The following AHCTF1 variants were observed in gnomAD, a reference collection of about 807,000 sequenced individuals.
AHCTF1 encodes AT-hook containing transcription factor 1.
In AHCTF1, 24 loss-of-function variants were observed where a neutral mutation model predicts 248.4. The observed-to-expected ratio is 0.10, with a 90% confidence interval of 0.07 to 0.14. AHCTF1 has a LOEUF of 0.14. AHCTF1 is among the 10% of genes least tolerant of loss of function. The pLI, the probability that AHCTF1 is intolerant of heterozygous loss-of-function variation, is 1.00. For synonymous variants in AHCTF1, 786 were observed against 929.8 expected (o/e 0.85, Z 2.81); for missense variants, 2,206 against 2,636.2 (o/e 0.84, Z 3.57).
In AHCTF1 at chr1:246,853,285, G is replaced by A. The variant is rs779922668; in HGVS notation, c.4369C>T (p.Leu1457Phe). Reference sequence around the variant, plus strand: ...AGCGAGGAGTTTCCACCATCACCAAGGACATCAGCCATAGCTGAAAGAAAA... The same window carrying A: ...AGCGAGGAGTTTCCACCATCACCAAAGACATCAGCCATAGCTGAAAGAAAA... ...ANDNKSMADV[L>F]GDGGNSSLTI... The change falls in exon 32 of 36, where the codon CTT (leucine) becomes TTT (phenylalanine). Residue 1457 changes from leucine (L) to phenylalanine (F), a missense_variant. This residue lies in a region of AHCTF1 where 955 missense variants were observed against 1,055.6 expected (regional missense o/e 0.90). Transcript: ENST00000648844. The A allele has an allele frequency of 1.1e-5, 17 of 1,611,242 alleles. No individual in the cohort carries two copies. The Admixed American group carries it at 2.5e-4, about 24-fold the overall frequency.
At position 246,842,690 on chromosome 1, in the gene AHCTF1, ATACT is replaced by A. The variant is rs1210645114; in HGVS notation, c.6608_6608+3del. On this transcript the variant is annotated splice_donor_variant and splice_donor_region_variant and coding_sequence_variant and intron_variant, in exon 35 of 36. Transcript: ENST00000648844. LOFTEE classifies it high-confidence loss of function. Reference sequence around the variant, plus strand: ...TCAATCAAGAACAGAACAGAAAGTCATACTTGCTTGCTTGTTTTGTTTTTGACGT... The same window carrying A: ...TCAATCAAGAACAGAACAGAAAGTCATGCTTGCTTGTTTTGTTTTTGACGT... 7 of 1,612,568 alleles carry A rather than the reference ATACT, an allele frequency of 4.3e-6. No homozygotes were observed. Among genetic ancestry groups the A allele is most frequent in the African/African-American group, 2.7e-5 (2 of 74,906 alleles).
At chr1:246,910,543 G>A (rs1468188708) in intron 4 of AHCTF1, among the ~76,000 whole-genome samples, 4 of 152,196 alleles carry the variant, frequency 2.6e-5, no homozygotes, top group Non-Finnish European at 5.9e-5. Context: ...TATAGCAAAT[G>A]TTGAAAATTA....
chr1:246,851,798 AG>A, intron 32 of AHCTF1: 1 of 187,916 alleles, frequency 5.3e-6, no homozygotes, highest in South Asian at 1.4e-4. Context: ...CGGAAAAAAC[AG>A]AAACAACCCC....
At position 246,857,770 on chromosome 1, in the gene AHCTF1, C is replaced by G. The variant is rs760736790; in HGVS notation, c.4177G>C (p.Glu1393Gln). The change falls in exon 30 of 36, where the codon GAG (glutamate) becomes CAG (glutamine). Residue 1393 changes from glutamate to glutamine, a missense_variant. This residue lies in a region of AHCTF1 where 955 missense variants were observed against 1,055.6 expected (regional missense o/e 0.90). Coordinates refer to ENST00000648844, the MANE Select transcript of AHCTF1 (RefSeq NM_001323342.2). ...AETKDLLVAAEAFSELNHLSP... is the reference protein window; with the variant it reads ...AETKDLLVAAQAFSELNHLSP... Reference sequence around the variant, plus strand: ...AAGTGATTCAATTCTGAAAATGCCTCTGCTGCAACTAAGAGATCCTTTGTT... The same window carrying G: ...AAGTGATTCAATTCTGAAAATGCCTGTGCTGCAACTAAGAGATCCTTTGTT... 13 of 1,613,666 alleles carry G rather than the reference C, an allele frequency of 8.1e-6. No homozygotes were observed. The highest frequency in any genetic ancestry group is 1.3e-5 in the African/African-American group (1 of 74,898).
intron 1 of AHCTF1, among the ~76,000 whole-genome samples, chr1:246,927,373 C>T (rs550552540): frequency 1.3e-5 from 2 of 152,172 alleles, no homozygotes; most frequent in South Asian, 2.1e-4. Context: ...CTTGTCATCC[C>T]GACTACTTGG....
intron 24 of AHCTF1, 87 bp downstream of exon 24, chr1:246,875,950 G>T: frequency 7.7e-7 from 1 of 1,304,472 alleles, no homozygotes; most frequent in Non-Finnish European, 1.0e-6. Context: ...AGCGAAAGTA[G>T]CTAAATTTAA....
intron 21 of AHCTF1, among the ~76,000 whole-genome samples, chr1:246,878,274 G>A (rs1663123195): frequency 6.6e-6 from 1 of 151,624 alleles, no homozygotes; most frequent in Admixed American, 6.6e-5. Context: ...GTGTGTGCCT[G>A]TAGTCCCAGC....
chr1:246,901,399 G>A (rs1448941037), intron 8 of AHCTF1, among the ~76,000 whole-genome samples: 1 of 152,162 alleles, frequency 6.6e-6, no homozygotes, highest in Non-Finnish European at 1.5e-5. Flanking sequence ...CACTTGGGGA[G>A]GCCGAGGCGG....
chr1:246,895,026 T>C (rs966177197), intron 13 of AHCTF1, among the ~76,000 whole-genome samples: 1 of 149,594 alleles, frequency 6.7e-6, no homozygotes, highest in African/African-American at 2.5e-5. Context: ...GCCTAATTCC[T>C]TTAAAAAAAA....
intron 12 of AHCTF1, 105 bp downstream of exon 12, chr1:246,898,103 T>C: frequency 6.7e-7 from 1 of 1,487,582 alleles, no homozygotes; most frequent in Non-Finnish European, 9.2e-7. Flanking sequence ...AGCATTACAC[T>C]ACTTCACCTA....
intron 21 of AHCTF1, 86 bp downstream of exon 21, chr1:246,885,407 A>G: frequency 8.5e-7 from 1 of 1,170,760 alleles, no homozygotes; most frequent in Non-Finnish European, 1.2e-6. Context: ...TTAACGGCCA[A>G]TTGTATATTG....
At chr1:246,859,780 G>A (rs1050862227) in intron 29 of AHCTF1, among the ~76,000 whole-genome samples, 2 of 151,996 alleles carry the variant, frequency 1.3e-5, no homozygotes, top group African/African-American at 4.8e-5. Context: ...GTCTCCCTAT[G>A]TTGTCTAGGC....
In AHCTF1 at chr1:246,855,717, T is replaced by C; in HGVS notation, c.4354+13A>G. ...AAATGGAATAATCCTGAAGTCAAAA[T>C]TATTATACATACATTTATTGTCATT... On this transcript the variant is annotated intron_variant, in intron 31 of 35. Coordinates refer to ENST00000648844, the MANE Select transcript of AHCTF1 (RefSeq NM_001323342.2). 6.3e-7 allele frequency: 1 copy of C among 1,590,034 alleles called. No individual in the cohort carries two copies. Among genetic ancestry groups the C allele is most frequent in the Non-Finnish European group, 8.6e-7 (1 of 1,165,650 alleles).
intron 33 of AHCTF1, among the ~76,000 whole-genome samples, chr1:246,844,370 G>C (rs1372538441): frequency 6.6e-6 from 1 of 152,166 alleles, no homozygotes. Context: ...AATCTTTCTA[G>C]CCACCTCATT....
At chr1:246,863,148 A>C (rs542206071) in intron 27 of AHCTF1, among the ~76,000 whole-genome samples, 1 of 152,202 alleles carries the variant, frequency 6.6e-6, no homozygotes, top group East Asian at 1.9e-4. Flanking sequence ...AATATTTTAA[A>C]TTATTGAAAC....
chr1:246,877,707 G>A (rs1329933436), intron 21 of AHCTF1, among the ~76,000 whole-genome samples: 1 of 152,154 alleles, frequency 6.6e-6, no homozygotes, highest in African/African-American at 2.4e-5. Context: ...CTGTGTCCAT[G>A]AGGAAGGGAA....
In AHCTF1 at chr1:246,850,082, C is replaced by A. The variant is rs142569004; in HGVS notation, c.5924G>T (p.Gly1975Val). Residue 1975 changes from glycine to valine, a missense_variant, in exon 33 of 36, where the codon GGT becomes GTT. By Grantham distance (109) the Gly-to-Val change is moderately radical. Transcript: ENST00000648844. ...FDMSAIPRKR[G>V]RPRKINPSED... ...AGATGGATTGATTTTTCTTGGTCTA[C>A]CACGTTTTCTAGGTATGGCAGACAT... The A allele has an allele frequency of 1.2e-6, 2 of 1,613,790 alleles. No individual in the cohort carries two copies. The highest frequency in any genetic ancestry group is 2.7e-5 in the African/African-American group (2 of 74,904).
chr1:246,856,642 G>A (rs928109558), intron 30 of AHCTF1, among the ~76,000 whole-genome samples: 3 of 152,114 alleles, frequency 2.0e-5, no homozygotes, highest in African/African-American at 7.2e-5. Context: ...GAAAGCCATT[G>A]CAATAAATAA....
intron 32 of AHCTF1, among the ~76,000 whole-genome samples, chr1:246,852,495 A>T (rs12126508): frequency 0.092 from 13,877 of 151,624 alleles, 693 homozygotes; most frequent in South Asian, 0.13. Context: ...TTTTTTTTTT[A>T]AAAAAACTAA....
Sources: gnomAD v4.1 joint callset for allele counts (sites outside exome capture counted in the v4.1 genomes callset) on GRCh38, gnomAD v4.1.1 for gene constraint, gnomAD v4.1.1 regional missense constraint, MANE v1.5 for transcripts, NCBI Gene and HGNC (gene_info 2026-07-23, HGNC 2026-07-21) for gene names.